TSEN2: variants seen among roughly 807,000 people sequenced by gnomAD.
TSEN2 encodes tRNA splicing endonuclease subunit 2.
In TSEN2, 54 loss-of-function variants were observed where a neutral mutation model predicts 59.2. That is an observed-to-expected ratio of 0.91 (90% CI 0.73 to 1.14). The LOEUF is 1.14. TSEN2 is among the 50% of genes most tolerant of loss of function. The pLI is 0.00. For synonymous variants in TSEN2, 195 were observed against 198.2 expected (o/e 0.98, Z 0.14); for missense variants, 636 against 576.2 (o/e 1.10, Z -1.06).
intron 3 of TSEN2, among the ~76,000 whole-genome samples, chr3:12,493,248 G>A (rs1405424733): frequency 2.0e-5 from 3 of 152,172 alleles, no homozygotes; most frequent in African/African-American, 7.2e-5. Context: ...ACACGTATCT[G>A]AGTCTATTTT....
intron 8 of TSEN2, among the ~76,000 whole-genome samples, chr3:12,525,754 A>G (rs2923020): frequency 1 from 151,369 of 151,372 alleles, 75,683 homozygotes; most frequent in Middle Eastern, 1. Context: ...TAGTAGAGAA[A>G]GGGTTTCAAT....
intron 6 of TSEN2, among the ~76,000 whole-genome samples, chr3:12,505,991 C>G (rs1009269092): frequency 1.3e-5 from 2 of 151,926 alleles, no homozygotes; most frequent in African/African-American, 4.8e-5. Flanking sequence ...AAAAAGATTT[C>G]AGATTGTTAA....
At position 12,516,629 on chromosome 3, in the gene TSEN2, G is replaced by C; in HGVS notation, c.928G>C (p.Ala310Pro). ...TTTTCAGGCCTTTTTCTTGGTCTAT[G>C]CTCTGGGATGTTTAAGTATTTACTA... ...SLEEAFFLVYALGCLSIYYEK... is the reference protein window; with the variant it reads ...SLEEAFFLVYPLGCLSIYYEK... Residue 310 changes from alanine (A) to proline (P), a missense_variant, in exon 7 of 12, where the codon GCT becomes CCT. Coordinates refer to ENST00000284995, the MANE Select transcript of TSEN2 (RefSeq NM_025265.4). 1 of 1,613,928 alleles carries C rather than the reference G, an allele frequency of 6.2e-7. No individual in the cohort carries two copies. Among genetic ancestry groups the C allele is most frequent in the Non-Finnish European group, 8.5e-7 (1 of 1,180,002 alleles).
chr3:12,536,165 T>C (rs2057669108), downstream of TSEN2, among the ~76,000 whole-genome samples: 1 of 152,166 alleles, frequency 6.6e-6, no homozygotes, highest in Non-Finnish European at 1.5e-5. Flanking sequence ...GGAGGTAAAG[T>C]AGTGAAGACA....
intron 4 of TSEN2, among the ~76,000 whole-genome samples, chr3:12,499,216 G>A (rs1408797825): frequency 6.6e-6 from 1 of 152,186 alleles, no homozygotes; most frequent in Non-Finnish European, 1.5e-5. Context: ...CTTCTGTGAT[G>A]CCTTTGGGGA....
intron 6 of TSEN2, among the ~76,000 whole-genome samples, chr3:12,515,243 G>A (rs1399527856): frequency 1.3e-5 from 2 of 152,280 alleles, no homozygotes; most frequent in Middle Eastern, 3.4e-3. Flanking sequence ...TTTGTTCTGT[G>A]TATGCCGGGT....
intron 8 of TSEN2, among the ~76,000 whole-genome samples, chr3:12,522,847 G>T (rs1000390317): frequency 6.6e-6 from 1 of 152,054 alleles, no homozygotes; most frequent in Non-Finnish European, 1.5e-5. Flanking sequence ...TTGCCTACTG[G>T]GGAAGCCAGG....
upstream of TSEN2, among the ~76,000 whole-genome samples, chr3:12,480,486 C>G (rs2052178309): frequency 6.7e-6 from 1 of 149,978 alleles, no homozygotes; most frequent in Non-Finnish European, 1.5e-5. Context: ...TTTTATATTT[C>G]AGTACTGAAT....
chr3:12,499,752 T>C (rs1331836939), intron 4 of TSEN2, among the ~76,000 whole-genome samples: 1 of 152,188 alleles, frequency 6.6e-6, no homozygotes, highest in Non-Finnish European at 1.5e-5. Flanking sequence ...CTGTGTGTCA[T>C]CTCAGGTCCT....
chr3:12,519,145 T>G lies in TSEN2; in HGVS notation c.1047T>G (p.Phe349Leu), dbSNP rs1185208345. Residue 349 changes from phenylalanine (F) to leucine (L), a missense_variant, in exon 8 of 12, where the codon TTT (phenylalanine) becomes TTG (leucine). Physicochemically the swap from Phe to Leu is conservative, Grantham distance 22 (BLOSUM62 0). Coordinates refer to ENST00000284995, the MANE Select transcript of TSEN2 (RefSeq NM_025265.4). ...FRTTYMAYHY[F>L]RSKGWVPKVG... ...CCACCTACATGGCCTACCATTACTT[T>G]CGAAGCAAGGGCTGGGTGCCCAAAG... 6.2e-7 allele frequency: 1 copy of G among 1,614,250 alleles called. No individual in the cohort carries two copies. Among genetic ancestry groups the G allele is most frequent in the Middle Eastern group, 1.6e-4 (1 of 6,062 alleles).
At chr3:12,501,115 A>G (rs571341026) in intron 4 of TSEN2, among the ~76,000 whole-genome samples, 5 of 152,338 alleles carry the variant, frequency 3.3e-5, no homozygotes, top group East Asian at 3.9e-4. Context: ...GACCCCTCAC[A>G]TGAAAGTTCT....
upstream of TSEN2, among the ~76,000 whole-genome samples, chr3:12,482,214 C>T (rs1445421720): frequency 6.6e-6 from 1 of 152,150 alleles, no homozygotes; most frequent in Non-Finnish European, 1.5e-5. Flanking sequence ...CTCCACCTCC[C>T]CGGTTCAAGC....
chr3:12,510,996 C>T (rs543448354), intron 6 of TSEN2: 25 of 152,236 alleles, frequency 1.6e-4, no homozygotes, highest in African/African-American at 5.8e-4. Context: ...AGGTGAACTG[C>T]TTTGAGGATC....
In TSEN2 at chr3:12,503,357, C is replaced by T. The variant is rs563130249; in HGVS notation, c.404C>T (p.Pro135Leu). The T allele has an allele frequency of 1.2e-5, 20 of 1,614,178 alleles. No homozygotes were observed. The highest frequency in any genetic ancestry group is 8.0e-5 in the African/African-American group (6 of 75,036). The change falls in exon 5 of 12, where the codon CCG becomes CTG. Residue 135 changes from proline (P) to leucine (L), a missense_variant. By Grantham distance (98) the Pro-to-Leu change is moderately conservative. Coordinates refer to ENST00000284995, the MANE Select transcript of TSEN2 (RefSeq NM_025265.4). ...AGAATCCTCAAGGATTACACGAAAC[C>T]GCTTGAGCATCCTCCTGTGAAAAGG... ...VRRILKDYTK[P>L]LEHPPVKRNE...
At chr3:12,490,067 C>A in intron 2 of TSEN2, 78 bp downstream of exon 2, 1 of 1,271,966 alleles carries the variant, frequency 7.9e-7, no homozygotes, top group Non-Finnish European at 1.1e-6. Flanking sequence ...CCATCCCAGC[C>A]ATACCCCCAC....
chr3:12,490,515 T>A (rs2053109967), intron 2 of TSEN2, among the ~76,000 whole-genome samples: 1 of 152,182 alleles, frequency 6.6e-6, no homozygotes, highest in Non-Finnish European at 1.5e-5. Flanking sequence ...CCAGCATTGA[T>A]CAAGTTGAAT....
intron 4 of TSEN2, among the ~76,000 whole-genome samples, chr3:12,501,655 C>T (rs1167643605): frequency 1.3e-5 from 2 of 151,654 alleles, no homozygotes; most frequent in Non-Finnish European, 2.9e-5. Context: ...ATTTGCGTGT[C>T]ATCTTTGCAC....
Position 12,505,134 on chromosome 3 carries a change from T to TA in TSEN2, c.832-20_832-19insA, listed in dbSNP as rs2054676676. The stretch of plus-strand genomic sequence containing the variant: ...AGTGCTTCCATTTGTTCTGTATATA[T>TA]TGTATTTCTTTCTCTTTAGTTGGTG... On this transcript the variant is annotated intron_variant, in intron 5 of 11. Transcript: ENST00000284995. The TA allele has an allele frequency of 5.6e-6, 8 of 1,436,496 alleles. No individual in the cohort carries two copies. Among genetic ancestry groups the TA allele is most frequent in the Non-Finnish European group, 7.9e-6 (8 of 1,018,168 alleles). 89.0% of individuals were successfully genotyped at this position (1,436,496 alleles called of 1,614,324 possible).
chr3:12,501,457 G>C (rs1443756848), intron 4 of TSEN2, among the ~76,000 whole-genome samples: 5 of 152,204 alleles, frequency 3.3e-5, no homozygotes, highest in African/African-American at 9.7e-5. Flanking sequence ...CATCCCTGAT[G>C]TTCATCCTCA....
Sources: allele counts gnomAD v4.1 joint callset (sites outside exome capture counted in the v4.1 genomes callset), GRCh38; gene constraint gnomAD v4.1.1; transcripts MANE v1.5; gene names NCBI Gene and HGNC (gene_info 2026-07-23, HGNC 2026-07-21).